The following ZNF654 variants were observed in gnomAD, a reference collection of about 807,000 sequenced individuals.
ZNF654 encodes the protein zinc finger protein 654.
A neutral mutation model predicts 95.3 loss-of-function variants in ZNF654; 19 were observed. The observed-to-expected ratio is 0.20, with a 90% CI of 0.14 to 0.29. ZNF654 has a LOEUF of 0.29. Among genes scored for constraint, ZNF654 ranks in the 10% least tolerant of loss-of-function variants. The pLI is 1.00. For synonymous variants in ZNF654, 413 were observed against 457.9 expected (o/e 0.90, Z 1.25); for missense variants, 1,046 against 1,341.0 (o/e 0.78, Z 3.44).
At chr3:88,098,707 A>C (rs1446393322) in intron 2 of ZNF654, among the ~76,000 whole-genome samples, 1 of 152,248 alleles carries the variant, frequency 6.6e-6, no homozygotes, top group Non-Finnish European at 1.5e-5. Flanking sequence ...AATCCAGCAT[A>C]TAAACAGAAC....
chr3:88,093,569 T>G (rs1375595690), intron 2 of ZNF654, among the ~76,000 whole-genome samples: 3 of 152,130 alleles, frequency 2.0e-5, no homozygotes, highest in Non-Finnish European at 4.4e-5. Context: ...GACCAAAGGG[T>G]CTTGTCTTCA....
intron 2 of ZNF654, among the ~76,000 whole-genome samples, chr3:88,089,288 G>A (rs1431357718): frequency 6.7e-6 from 1 of 149,096 alleles, no homozygotes; most frequent in Non-Finnish European, 1.5e-5. Flanking sequence ...TCAAGAGATC[G>A]AGACCATCCT....
chr3:88,128,915 T>C lies in ZNF654; in HGVS notation c.657T>C (p.Cys219=), dbSNP rs1386977624. The C allele has an allele frequency of 1.3e-6, 2 of 1,535,694 alleles. No individual in the cohort carries two copies. Among genetic ancestry groups the C allele is most frequent in the Admixed American group, 3.9e-5 (2 of 50,986 alleles). The part of the protein sequence containing the change: ...IPEAMALIKS[C]INHPEISKDL... ...AAGCAATGGCTCTTATTAAATCTTG[T>C]ATAAATCACCCAGAAATCAGTAAAG... Residue 219 remains cysteine (C), a synonymous_variant, in exon 5 of 9, where the codon TGT becomes TGC. Coordinates refer to ENST00000636215, the MANE Select transcript of ZNF654 (RefSeq NM_001350134.2).
At chr3:88,072,007 A>C (rs1454517154) in intron 1 of ZNF654, among the ~76,000 whole-genome samples, 1 of 152,216 alleles carries the variant, frequency 6.6e-6, no homozygotes. Flanking sequence ...CAATCAGTTG[A>C]ATATCCTTAG....
At chr3:88,095,158 A>G (rs1703983872) in intron 2 of ZNF654, among the ~76,000 whole-genome samples, 1 of 152,112 alleles carries the variant, frequency 6.6e-6, no homozygotes, top group Non-Finnish European at 1.5e-5. Flanking sequence ...TATAAGAAAA[A>G]ATTTGCTCCT....
Position 88,118,419 on chromosome 3 carries a change from T to C in ZNF654, c.414+5223T>C, listed in dbSNP as rs147181691. On this transcript the variant is annotated intron_variant, in intron 3 of 8. Coordinates refer to ENST00000636215, the MANE Select transcript of ZNF654 (RefSeq NM_001350134.2). ...AAAAGAGCCAGCCACATGAAAGGAG[T>C]TGAAAAGCCCACCCTCCTTTGTGGG... Among the ~76,000 whole-genome samples the C allele has an allele frequency of 7.9e-4, 120 of 151,700 alleles. 1 individual carries two copies. The highest frequency in any genetic ancestry group is 2.4e-3 in the African/African-American group (99 of 41,352).
intron 4 of ZNF654, among the ~76,000 whole-genome samples, chr3:88,127,985 G>A (rs1361982455): frequency 6.6e-6 from 1 of 152,112 alleles, no homozygotes; most frequent in Non-Finnish European, 1.5e-5. Context: ...CACTTTAGAA[G>A]CTACTGATTA....
intron 2 of ZNF654, among the ~76,000 whole-genome samples, chr3:88,103,489 C>G (rs1240422516): frequency 6.6e-6 from 1 of 152,000 alleles, no homozygotes; most frequent in East Asian, 1.9e-4. Context: ...TTAGGAAAAT[C>G]TAAAACTGTA....
intron 2 of ZNF654, among the ~76,000 whole-genome samples, chr3:88,110,133 C>T (rs551643851): frequency 1.3e-5 from 2 of 152,114 alleles, no homozygotes; most frequent in South Asian, 4.2e-4. Flanking sequence ...CACTAAGTGC[C>T]AGGAATTGTG....
intron 2 of ZNF654, among the ~76,000 whole-genome samples, chr3:88,091,811 T>C (rs2107680827): frequency 6.6e-6 from 1 of 152,318 alleles, no homozygotes; most frequent in South Asian, 2.1e-4. Context: ...CATGCCTTTG[T>C]TCCTCCTTCG....
At chr3:88,105,392 G>C (rs1416100423) in intron 2 of ZNF654, among the ~76,000 whole-genome samples, 2 of 152,070 alleles carry the variant, frequency 1.3e-5, no homozygotes, top group Non-Finnish European at 2.9e-5. Context: ...TATGAATTTT[G>C]TTGTGTTGAT....
At chr3:88,107,630 T>A (rs1240512624) in intron 2 of ZNF654, among the ~76,000 whole-genome samples, 1 of 152,174 alleles carries the variant, frequency 6.6e-6, no homozygotes, top group Admixed American at 6.5e-5. Flanking sequence ...ATACTCCACC[T>A]CTGTGTTCCT....
At chr3:88,100,892 T>A (rs1439616662) in intron 2 of ZNF654, among the ~76,000 whole-genome samples, 1 of 152,194 alleles carries the variant, frequency 6.6e-6, no homozygotes, top group Non-Finnish European at 1.5e-5. Context: ...CACACCAACA[T>A]GGCACCTGTA....
In ZNF654 at chr3:88,129,035, C is replaced by T. The variant is rs1265993756; in HGVS notation, c.753+24C>T. The T allele has an allele frequency of 2.7e-6, 4 of 1,501,816 alleles. No homozygotes were observed. The African/African-American group carries it at 4.2e-5, about 16-fold the overall frequency. The allele number at this position is 1,501,816 out of a possible 1,614,324, so 93.0% of individuals were successfully genotyped here. A position where few individuals can be genotyped will look rare whatever the true frequency, so the allele number is the denominator to read the frequency against. The stretch of plus-strand genomic sequence containing the variant: ...AGGTATTGTTTGAGACTATTTTTGC[C>T]TATTACCATTTTAACCCTACCAAAA... On this transcript the variant is annotated intron_variant, in intron 5 of 8. Transcript: ENST00000636215.
intron 3 of ZNF654, among the ~76,000 whole-genome samples, chr3:88,118,234 C>G (rs1705531675): frequency 6.6e-6 from 1 of 152,124 alleles, no homozygotes; most frequent in Admixed American, 6.6e-5. Flanking sequence ...ATAAAGCCTT[C>G]TTTCCCTGAG....
At chr3:88,135,329 C>T (rs1706709879) in intron 7 of ZNF654, 127 bp downstream of exon 7, 7 of 676,760 alleles carry the variant, frequency 1.0e-5, no homozygotes, top group Non-Finnish European at 1.5e-5. Flanking sequence ...GCCACATTCT[C>T]CATACATTAC....
At position 88,140,737 on chromosome 3, in the gene ZNF654, T is replaced by C; in HGVS notation, c.3068T>C (p.Val1023Ala). Reference protein sequence around the residue: ...VVPQEHNTLPVSQAPSKPNLT... With the variant: ...VVPQEHNTLPASQAPSKPNLT... Reference sequence around the variant, plus strand: ...CCACAAGAACACAACACCTTGCCAGTATCTCAGGCACCTTCCAAACCAAAT... The same window carrying C: ...CCACAAGAACACAACACCTTGCCAGCATCTCAGGCACCTTCCAAACCAAAT... The change falls in exon 8 of 9, where the codon GTA (valine) becomes GCA (alanine). Residue 1023 changes from valine to alanine, a missense_variant. Physicochemically the swap from Val to Ala is moderately conservative, Grantham distance 64. This residue lies in a region of ZNF654 where 495 missense variants were observed against 537.0 expected (regional missense o/e 0.92). Coordinates refer to ENST00000636215, the MANE Select transcript of ZNF654 (RefSeq NM_001350134.2). 1 of 1,613,732 alleles carries C rather than the reference T, an allele frequency of 6.2e-7. No individual in the cohort carries two copies. Among genetic ancestry groups the C allele is most frequent in the Non-Finnish European group, 8.5e-7 (1 of 1,179,730 alleles).
At chr3:88,114,910 C>G (rs1222914123) in intron 3 of ZNF654, among the ~76,000 whole-genome samples, 1 of 152,182 alleles carries the variant, frequency 6.6e-6, no homozygotes, top group African/African-American at 2.4e-5. Context: ...TGATAAGTGA[C>G]TAATTCAGTG....
In ZNF654 at chr3:88,143,805, A is replaced by G. The variant is rs573406932; in HGVS notation, c.*2153A>G. The G allele has an allele frequency of 7.9e-5, 12 of 152,066 alleles. No homozygotes were observed. The South Asian group carries it at 1.2e-3, about 16-fold the overall frequency. 9.4% of individuals were successfully genotyped at this position (152,066 alleles called of 1,614,324 possible). On this transcript the variant is annotated 3_prime_UTR_variant, in exon 9 of 9. Transcript: ENST00000636215. ...ATCAAGGAATGTTTTATAAAATTCT[A>G]TTTGACCACACTGTCTTAACCTCGG... is the stretch of plus-strand genomic sequence containing the variant.
Sources: gnomAD v4.1 joint callset for allele counts (sites outside exome capture counted in the v4.1 genomes callset) on GRCh38, gnomAD v4.1.1 for gene constraint, gnomAD v4.1.1 regional missense constraint, MANE v1.5 for transcripts, NCBI Gene and HGNC (gene_info 2026-07-23, HGNC 2026-07-21) for gene names.